Variants in HIP1 observed in about 807,000 individuals in gnomAD.
HIP1 encodes huntingtin interacting protein 1, also known as huntingtin-interacting protein 1.
HIP1 carries 65 observed loss-of-function variants against 147.6 expected under a neutral mutation model. The ratio of observed to expected loss-of-function variants is 0.44; its 90% CI spans 0.36 to 0.54. The LOEUF (loss-of-function observed/expected upper bound fraction) is 0.54. HIP1 is among the 20% of genes least tolerant of loss of function. The probability of loss-of-function intolerance (pLI) is 0.00; values close to 1 mark genes in which losing one functional copy is unlikely to be tolerated. For missense variants in HIP1, 1,061 were observed against 1,299.6 expected (o/e 0.82, Z 2.82); for synonymous variants, 479 against 504.0 (o/e 0.95, Z 0.67).
chr7:75,577,819 G>C (rs1363334439), intron 7 of HIP1, among the ~76,000 whole-genome samples: 2 of 152,114 alleles, frequency 1.3e-5, no homozygotes, highest in African/African-American at 4.8e-5. Flanking sequence ...GGCCAACATG[G>C]TGAAACCCTG....
intron 1 of HIP1, among the ~76,000 whole-genome samples, chr7:75,716,279 G>A (rs919285759): frequency 9.2e-5 from 14 of 151,934 alleles, no homozygotes; most frequent in African/African-American, 3.4e-4. Context: ...CCAGGCTGGA[G>A]TGCAGTAGTA....
rs782076664 is a variant in HIP1 at position 75,586,469 on chromosome 7, T to C, written c.465+284A>G. On this transcript the variant is annotated intron_variant, in intron 5 of 30. Transcript: ENST00000336926. ...CATCCGCCTGGGCCTCCGAAAGAGC[T>C]AGGATTATAGGTGTGAGCCACCGTG... 2.6e-5 allele frequency among the ~76,000 whole-genome samples: 4 copies of C among 152,264 alleles called. 1 individual carries two copies. Among genetic ancestry groups the C allele is most frequent in the African/African-American group, 9.6e-5 (4 of 41,554 alleles).
chr7:75,595,287 T>TTCCTTC (rs1563230646), intron 2 of HIP1, among the ~76,000 whole-genome samples: 4 of 103,238 alleles, frequency 3.9e-5, no homozygotes, highest in Non-Finnish European at 6.2e-5. Context: ...TTCCTTCCTT[T>TTCCTTC]CTTTCTTTCT....
chr7:75,617,943 T>C (rs914548291), intron 1 of HIP1, among the ~76,000 whole-genome samples: 8 of 152,320 alleles, frequency 5.3e-5, no homozygotes, highest in Middle Eastern at 6.8e-3. Context: ...CCACCAGACA[T>C]ATCCTGATCT....
chr7:75,538,334 A>G, intron 30 of HIP1, 110 bp from the exon 31 acceptor site: 2 of 842,078 alleles, frequency 2.4e-6, no homozygotes, highest in South Asian at 1.4e-5. Context: ...AATTATAACC[A>G]TGGTGTAATC....
In HIP1 at chr7:75,547,273, T is replaced by C. The variant is rs782540715; in HGVS notation, c.2466-241A>G. 3.7e-4 allele frequency among the ~76,000 whole-genome samples: 56 copies of C among 152,052 alleles called. 2 individuals are homozygous for C. The highest frequency in any genetic ancestry group is 1.3e-4 in the Non-Finnish European group (9 of 68,008). On this transcript the variant is annotated intron_variant, in intron 24 of 30. Transcript: ENST00000336926. ...TGAAATTGTGATTCCTAGGACTTCTTTTCTTCTTTTTTGAGACAGAGTCTT... is the reference window on the plus strand; with the variant it reads ...TGAAATTGTGATTCCTAGGACTTCTCTTCTTCTTTTTTGAGACAGAGTCTT...
intron 1 of HIP1, among the ~76,000 whole-genome samples, chr7:75,629,667 T>C (rs1404277007): frequency 2.6e-5 from 4 of 151,990 alleles, no homozygotes; most frequent in African/African-American, 9.7e-5. Context: ...CTCAGCCTCC[T>C]GAATAGCTGG....
At chr7:75,650,035 C>A (rs1365427145) in intron 1 of HIP1, among the ~76,000 whole-genome samples, 1 of 152,164 alleles carries the variant, frequency 6.6e-6, no homozygotes, top group East Asian at 1.9e-4. Context: ...GCCAGGTGCA[C>A]CCCCAGAGCC....
At chr7:75,633,102 C>T (rs1353989837) in intron 1 of HIP1, among the ~76,000 whole-genome samples, 3 of 151,914 alleles carry the variant, frequency 2.0e-5, no homozygotes, top group South Asian at 2.1e-4. Flanking sequence ...CAGCATGGCA[C>T]GTGTTTACCT....
At chr7:75,544,610 CTAACGCAGCCAAGTACTCTT>C (rs1183939140) in intron 27 of HIP1, 65 bp downstream of exon 27, 299 of 817,792 alleles carry the variant, frequency 3.7e-4, no homozygotes, top group Non-Finnish European at 1.5e-4. Context: ...CAAGTACTGC[CTAACGCAGCCAAGTACTCTT>C]TAACCTAGCC....
intron 21 of HIP1, among the ~76,000 whole-genome samples, chr7:75,553,904 G>A (rs1794889869): frequency 6.6e-6 from 1 of 151,892 alleles, no homozygotes; most frequent in Admixed American, 6.6e-5. Context: ...ATTGCATCTG[G>A]CCCATCGTTT....
chr7:75,594,907 C>T (rs868944536), intron 2 of HIP1, among the ~76,000 whole-genome samples: 1 of 152,206 alleles, frequency 6.6e-6, no homozygotes, highest in Non-Finnish European at 1.5e-5. Context: ...ACAAGATTCA[C>T]AGACCCAGTA....
chr7:75,656,734 C>T (rs1799154046), intron 1 of HIP1, among the ~76,000 whole-genome samples: 1 of 152,196 alleles, frequency 6.6e-6, no homozygotes, highest in Non-Finnish European at 1.5e-5. Flanking sequence ...GCCTCAGCCT[C>T]CCAAAGTGCT....
chr7:75,560,112 G>A (rs1795172062), intron 13 of HIP1, among the ~76,000 whole-genome samples, 197 bp from the exon 14 acceptor site: 1 of 152,194 alleles, frequency 6.6e-6, no homozygotes, highest in Non-Finnish European at 1.5e-5. Context: ...TGATGGCCGG[G>A]GAATTGTGGT....
At chr7:75,563,421 C>A in intron 9 of HIP1, 158 bp from the exon 10 acceptor site, 1 of 625,638 alleles carries the variant, frequency 1.6e-6, no homozygotes, top group South Asian at 1.9e-5. Flanking sequence ...TATGATGCTG[C>A]AGAGGATTAT....
At chr7:75,591,535 A>T (rs193296934) in intron 4 of HIP1, among the ~76,000 whole-genome samples, 19 of 152,158 alleles carry the variant, frequency 1.2e-4, no homozygotes, top group Admixed American at 1.0e-3. Context: ...TGGGTATGCT[A>T]ATTCTAATTC....
At chr7:75,721,652 A>G (rs782741014) in intron 1 of HIP1, among the ~76,000 whole-genome samples, 2 of 152,216 alleles carry the variant, frequency 1.3e-5, no homozygotes, top group Non-Finnish European at 2.9e-5. Flanking sequence ...GTGCAACTGT[A>G]CCTGGGAGCC....
At position 75,730,827 on chromosome 7, in the gene HIP1, C is replaced by T. The variant is rs538048465; in HGVS notation, c.120+7974G>A. The stretch of plus-strand genomic sequence containing the variant: ...GGCTCAATGCAACCTCCCCACTTTC[C>T]GGGTTCAAGCGATCCTCCTGCTTCA... On this transcript the variant is annotated intron_variant, in intron 1 of 30. Transcript: ENST00000336926. 8.0e-5 allele frequency among the ~76,000 whole-genome samples: 12 copies of T among 150,642 alleles called. No homozygotes were observed. The South Asian group carries it at 8.4e-4, about 11-fold the overall frequency.
chr7:75,563,278 G>C lies in HIP1; in HGVS notation c.804-15C>G. On this transcript the variant is annotated splice_polypyrimidine_tract_variant and intron_variant, in intron 9 of 30. Transcript: ENST00000336926. ...GATCTTTCAACCTAGGGGTGGAGAAGGACCTGAGGGGTGCTGGGTGTCTTC... is the reference window on the plus strand; with the variant it reads ...GATCTTTCAACCTAGGGGTGGAGAACGACCTGAGGGGTGCTGGGTGTCTTC... The C allele has an allele frequency of 6.2e-7, 1 of 1,613,028 alleles. No homozygotes were observed. The highest frequency in any genetic ancestry group is 8.5e-7 in the Non-Finnish European group (1 of 1,179,036).
Sources: allele counts gnomAD v4.1 joint callset (sites outside exome capture counted in the v4.1 genomes callset), GRCh38; gene constraint gnomAD v4.1.1; transcripts MANE v1.5; gene names NCBI Gene and HGNC (gene_info 2026-07-23, HGNC 2026-07-21).